Variants in PCDHGB6 observed in about 807,000 individuals in gnomAD.
The protein encoded by PCDHGB6 is protocadherin gamma subfamily B, 6.
In PCDHGB6, 51 loss-of-function variants were observed where a neutral mutation model predicts 59.1. The ratio of observed to expected loss-of-function variants is 0.86; its 90% CI spans 0.69 to 1.09. The LOEUF (loss-of-function observed/expected upper bound fraction) is 1.09. PCDHGB6 is among the 50% of genes least tolerant of loss of function. PCDHGB6 has a pLI of 0.00. For missense variants in PCDHGB6, 1,148 were observed against 1,205.1 expected (o/e 0.95, Z 0.70); for synonymous variants, 466 against 495.1 (o/e 0.94, Z 0.78).
In PCDHGB6 at chr5:141,489,152, A is replaced by C; in HGVS notation, c.2419-5655A>C. The C allele has an allele frequency of 2.1e-6, 2 of 960,350 alleles. No individual in the cohort carries two copies. Among genetic ancestry groups the C allele is most frequent in the Non-Finnish European group, 3.1e-6 (2 of 640,552 alleles). 59.5% of individuals were successfully genotyped at this position (960,350 alleles called of 1,614,324 possible). A position where few individuals can be genotyped will look rare whatever the true frequency, so the allele number is the denominator to read the frequency against. On this transcript the variant is annotated intron_variant, in intron 1 of 3. Transcript: ENST00000520790. This position sits in a 1 kb window ranked among gnomAD's most constrained non-coding sequence, Gnocchi z 4.5. The stretch of plus-strand genomic sequence containing the variant: ...TTTTAAGAGGCTGGAAGGAGACATA[A>C]GAGACTTCAGCTGCTGCATTCCAAG...
In PCDHGB6 at chr5:141,485,869, G is replaced by A; in HGVS notation, c.2419-8938G>A. On this transcript the variant is annotated intron_variant, in intron 1 of 3. Coordinates refer to ENST00000520790, the MANE Select transcript of PCDHGB6 (RefSeq NM_018926.3). The surrounding 1 kb of genome is among the most constrained non-coding windows in gnomAD (Gnocchi z 5.7). ...GCACCGCAGAGCTCCGGGTATCCGT[G>A]CTGGACGTAAACGACAACGCCCCAG... is the stretch of plus-strand genomic sequence containing the variant. 1 of 1,614,176 alleles carries A rather than the reference G, an allele frequency of 6.2e-7. No individual in the cohort carries two copies. The highest frequency in any genetic ancestry group is 8.5e-7 in the Non-Finnish European group (1 of 1,180,040).
chr5:141,485,359 C>T lies in PCDHGB6; in HGVS notation c.2419-9448C>T. ...TGGATACGGACAGTCTGTCAGCTCG[C>T]AGGCTGCAGGTCGCTGGAGAGGTGA... is the stretch of plus-strand genomic sequence containing the variant. On this transcript the variant is annotated intron_variant, in intron 1 of 3. Transcript: ENST00000520790. The surrounding 1 kb of genome is among the most constrained non-coding windows in gnomAD (Gnocchi z 5.7). 6.2e-7 allele frequency: 1 copy of T among 1,614,144 alleles called. No homozygotes were observed. The highest frequency in any genetic ancestry group is 8.5e-7 in the Non-Finnish European group (1 of 1,180,010).
chr5:141,498,672 C>T (rs1034911993), intron 2 of PCDHGB6, among the ~76,000 whole-genome samples: 3 of 152,218 alleles, frequency 2.0e-5, no homozygotes, highest in South Asian at 4.1e-4. Context: ...TGGCTCACGC[C>T]TGTAATCCCA....
In PCDHGB6 at chr5:141,410,191, C is replaced by T; in HGVS notation, c.1989C>T (p.Val663=). ...PLSATATLHL[V]FADNLQEILP... is the part of the protein sequence containing the mutation. ...CTGCCACCGCCACGCTTCATCTGGTCTTCGCAGACAACTTGCAAGAGATAC... is the reference window on the plus strand; with the variant it reads ...CTGCCACCGCCACGCTTCATCTGGTTTTCGCAGACAACTTGCAAGAGATAC... The change falls in exon 1 of 4, where the codon GTC becomes GTT. Residue 663 remains valine, a synonymous_variant. Transcript: ENST00000520790. The T allele has an allele frequency of 6.2e-7, 1 of 1,613,994 alleles. No homozygotes were observed. Among genetic ancestry groups the T allele is most frequent in the Non-Finnish European group, 8.5e-7 (1 of 1,179,864 alleles).
chr5:141,436,309 T>C (rs1228417864), intron 1 of PCDHGB6, among the ~76,000 whole-genome samples: 1 of 152,198 alleles, frequency 6.6e-6, no homozygotes, highest in Non-Finnish European at 1.5e-5. Flanking sequence ...AGAGCATGAA[T>C]AGTCAAGACT....
chr5:141,420,525 C>T (rs895355117), intron 1 of PCDHGB6: 2 of 358,086 alleles, frequency 5.6e-6, no homozygotes, highest in South Asian at 2.1e-4. Flanking sequence ...AAATACCTTT[C>T]GGTTAAAAAT....
At chr5:141,473,402 T>C (rs1019157713) in intron 1 of PCDHGB6, among the ~76,000 whole-genome samples, 7 of 152,224 alleles carry the variant, frequency 4.6e-5, no homozygotes, top group Non-Finnish European at 7.3e-5. Flanking sequence ...CTTCTTTTTT[T>C]CTTCTTCAGT....
At chr5:141,506,636 C>T (rs1421676205) in intron 3 of PCDHGB6, among the ~76,000 whole-genome samples, 2 of 152,020 alleles carry the variant, frequency 1.3e-5, no homozygotes, top group South Asian at 2.1e-4. Context: ...AATGCAAGTC[C>T]CTCAGCACAG....
At chr5:141,414,242 T>C (rs1412230684) in intron 1 of PCDHGB6, 1 of 1,613,538 alleles carries the variant, frequency 6.2e-7, no homozygotes, top group Admixed American at 1.7e-5. Flanking sequence ...ATCACGTCTC[T>C]ATTTAGTCCA....
chr5:141,423,809 G>C, intron 1 of PCDHGB6: 1 of 1,260,030 alleles, frequency 7.9e-7, no homozygotes, highest in Non-Finnish European at 1.0e-6. Context: ...ATACATGTGA[G>C]TTTTACTTTG....
chr5:141,481,348 T>C (rs2099536105), intron 1 of PCDHGB6, among the ~76,000 whole-genome samples: 1 of 152,250 alleles, frequency 6.6e-6, no homozygotes, highest in Non-Finnish European at 1.5e-5. Flanking sequence ...TATTTAAACA[T>C]CTACAGCTGT....
rs1480000390 is a variant in PCDHGB6 at position 141,409,951 on chromosome 5, G to C, written c.1749G>C (p.Glu583Asp). The change falls in exon 1 of 4, where the codon GAG (glutamate) becomes GAC (aspartate). Residue 583 changes from glutamate (E) to aspartate (D), a missense_variant. By Grantham distance (45) the Glu-to-Asp change is conservative. Transcript: ENST00000520790. ...AFFDMVPRSAEPGYLVTKVVA... is the reference protein window; with the variant it reads ...AFFDMVPRSADPGYLVTKVVA... ...TCGATATGGTACCTCGCTCTGCAGAGCCCGGCTACCTAGTGACTAAGGTGG... is the reference window on the plus strand; with the variant it reads ...TCGATATGGTACCTCGCTCTGCAGACCCCGGCTACCTAGTGACTAAGGTGG... 1 of 1,613,256 alleles carries C rather than the reference G, an allele frequency of 6.2e-7. No homozygotes were observed. The highest frequency in any genetic ancestry group is 8.5e-7 in the Non-Finnish European group (1 of 1,179,806).
In PCDHGB6 at chr5:141,477,825, C is replaced by A; in HGVS notation, c.2419-16982C>A. The A allele has an allele frequency of 2.5e-6, 4 of 1,614,174 alleles. No individual in the cohort carries two copies. The South Asian group carries it at 4.4e-5, about 18-fold the overall frequency. On this transcript the variant is annotated intron_variant, in intron 1 of 3. Transcript: ENST00000520790. This position sits in a 1 kb window ranked among gnomAD's most constrained non-coding sequence, Gnocchi z 4.9. ...GACAATGCCCCCCAGGTCCTATATC[C>A]TCGGCCAGGTGGGAGCTCGGTGGAG...
At chr5:141,441,734 G>GAT in intron 1 of PCDHGB6, 1 of 364,808 alleles carries the variant, frequency 2.7e-6, no homozygotes, top group South Asian at 2.2e-5. Context: ...ACCAGGACTA[G>GAT]CTCGCGCTCG....
At chr5:141,463,728 G>C (rs957615020) in intron 1 of PCDHGB6, among the ~76,000 whole-genome samples, 3 of 152,066 alleles carry the variant, frequency 2.0e-5, no homozygotes, top group African/African-American at 7.2e-5. Context: ...TTACAGGCAT[G>C]AGCCACCGCG....
At chr5:141,469,610 AAAAT>A (rs1360697662) in intron 1 of PCDHGB6, among the ~76,000 whole-genome samples, 1 of 152,194 alleles carries the variant, frequency 6.6e-6, no homozygotes, top group Non-Finnish European at 1.5e-5. Context: ...TAAGTAAAAT[AAAAT>A]AAATGTTTGT....
Position 141,489,316 on chromosome 5 carries a change from T to C in PCDHGB6, c.2419-5491T>C, listed in dbSNP as rs2099685399. On this transcript the variant is annotated intron_variant, in intron 1 of 3. Transcript: ENST00000520790. This position sits in a 1 kb window ranked among gnomAD's most constrained non-coding sequence, Gnocchi z 4.5. The stretch of plus-strand genomic sequence containing the variant: ...CATGTTGTCCTTGTGCTGCTGGGGC[T>C]GGGTGTCTGGGCAGCTTCGTTACTC... The C allele has an allele frequency of 1.3e-6, 2 of 1,597,946 alleles. No individual in the cohort carries two copies. Among genetic ancestry groups the C allele is most frequent in the Admixed American group, 1.7e-5 (1 of 58,864 alleles).
chr5:141,421,567 A>G (rs1202908091), intron 1 of PCDHGB6: 27 of 1,613,972 alleles, frequency 1.7e-5, no homozygotes, highest in Non-Finnish European at 2.2e-5. Context: ...CGTGGAAGAC[A>G]CCTTGAAGAT....
intron 1 of PCDHGB6, chr5:141,415,216 A>C: frequency 6.2e-7 from 1 of 1,614,086 alleles, no homozygotes; most frequent in African/African-American, 1.3e-5. Flanking sequence ...GGACCTCGGC[A>C]GCTTCGAGTC....
Sources: gnomAD v4.1 joint callset for allele counts (sites outside exome capture counted in the v4.1 genomes callset) on GRCh38, gnomAD v4.1.1 for gene constraint, Gnocchi (gnomAD v3.1) non-coding constraint, MANE v1.5 for transcripts, NCBI Gene and HGNC (gene_info 2026-07-23, HGNC 2026-07-21) for gene names.